Variants in BACH2 observed in about 807,000 individuals in gnomAD.
BACH2 encodes the protein BACH transcriptional regulator 2, also known as transcription regulator protein BACH2.
Under a neutral mutation model 61.8 loss-of-function variants are expected in BACH2, and 5 were observed. The ratio of observed to expected loss-of-function variants is 0.08; its 90% confidence interval spans 0.04 to 0.17. BACH2 has a LOEUF of 0.17. BACH2 is among the 10% of genes least tolerant of loss of function. The probability of loss-of-function intolerance (pLI) is 1.00; values close to 1 mark genes in which losing one functional copy is unlikely to be tolerated. For synonymous variants in BACH2, 446 were observed against 440.1 expected (o/e 1.01, Z -0.17); for missense variants, 824 against 1,091.1 (o/e 0.76, Z 3.45).
chr6:90,050,255 G>T (rs1490984626), intron 5 of BACH2, among the ~76,000 whole-genome samples: 1 of 152,174 alleles, frequency 6.6e-6, no homozygotes, highest in African/African-American at 2.4e-5. Context: ...CTTGGTAAAA[G>T]ATTTGATGTG....
At chr6:90,153,476 T>C (rs776418987) in intron 4 of BACH2, among the ~76,000 whole-genome samples, 7 of 152,208 alleles carry the variant, frequency 4.6e-5, no homozygotes, top group Non-Finnish European at 1.0e-4. Context: ...GTCATTTCAA[T>C]ACTATATTCT....
At chr6:90,044,524 G>C (rs917803049) in intron 5 of BACH2, among the ~76,000 whole-genome samples, 1 of 152,180 alleles carries the variant, frequency 6.6e-6, no homozygotes, top group Admixed American at 6.5e-5. Flanking sequence ...CAAGTGATAG[G>C]ATCTGATTTA....
chr6:90,031,925 T>A (rs1359324278), intron 5 of BACH2, among the ~76,000 whole-genome samples: 1 of 152,136 alleles, frequency 6.6e-6, no homozygotes, highest in Non-Finnish European at 1.5e-5. Flanking sequence ...AGAACAAAGC[T>A]GGAGGCATCA....
At chr6:90,229,463 A>G (rs1770023782) in intron 3 of BACH2, among the ~76,000 whole-genome samples, 1 of 151,822 alleles carries the variant, frequency 6.6e-6, no homozygotes, top group African/African-American at 2.4e-5. Flanking sequence ...TTGTCTCAAA[A>G]AAAAAAAGAA....
chr6:89,984,062 C>T (rs1003722942), intron 6 of BACH2, among the ~76,000 whole-genome samples: 3 of 152,132 alleles, frequency 2.0e-5, no homozygotes, highest in Admixed American at 6.5e-5. Context: ...AAACCTAAGC[C>T]CTTCAAGCAT....
At chr6:90,031,201 T>G (rs1292189256) in intron 5 of BACH2, among the ~76,000 whole-genome samples, 5 of 150,680 alleles carry the variant, frequency 3.3e-5, no homozygotes, top group Admixed American at 1.3e-4. Flanking sequence ...ATGGGACATA[T>G]CTCAAAATAA....
rs150445955 is a variant in BACH2, at chr6:89,956,536, G to A, written c.244-4674C>T. On this transcript the variant is annotated intron_variant, in intron 6 of 8. Coordinates refer to ENST00000257749, the MANE Select transcript of BACH2 (RefSeq NM_021813.4). The stretch of plus-strand genomic sequence containing the variant: ...GATTCTAACATATCATCTCTCTGCT[G>A]AAAGGAAGATGGGCTGATGAAAACT... 2.0e-5 allele frequency among the ~76,000 whole-genome samples: 3 copies of A among 152,316 alleles called. No individual in the cohort carries two copies. The East Asian group carries it at 5.8e-4, about 29-fold the overall frequency.
intron 1 of BACH2, among the ~76,000 whole-genome samples, chr6:90,285,449 T>C (rs1215584383): frequency 1.3e-5 from 2 of 152,240 alleles, no homozygotes; most frequent in African/African-American, 4.8e-5. Context: ...AAACTCTTTC[T>C]GATCTTAGTA....
chr6:89,931,768 T>C lies in BACH2; in HGVS notation c.*640A>G, dbSNP rs1584492024. On this transcript the variant is annotated 3_prime_UTR_variant, in exon 9 of 9. Transcript: ENST00000257749. ...AATTTTGTCCATAAATAAGTACGAA[T>C]TGAAAATTGAACTGTGAAGCAAGAA... 1 of 152,356 alleles carries C rather than the reference T, an allele frequency of 6.6e-6. No homozygotes were observed. The highest frequency in any genetic ancestry group is 2.4e-5 in the African/African-American group (1 of 41,328). 9.4% of individuals were successfully genotyped at this position (152,356 alleles called of 1,614,324 possible).
chr6:90,157,159 G>T (rs1015770245), intron 4 of BACH2, among the ~76,000 whole-genome samples: 2 of 152,270 alleles, frequency 1.3e-5, no homozygotes, highest in African/African-American at 4.8e-5. Flanking sequence ...CAAAGGGCAA[G>T]AGGTGAAGAA....
intron 5 of BACH2, among the ~76,000 whole-genome samples, chr6:90,025,116 G>A (rs146785003): frequency 3.0e-4 from 46 of 152,320 alleles, no homozygotes; most frequent in African/African-American, 1.0e-3. Flanking sequence ...GAAATCAGCG[G>A]GTGAAAGGGA....
chr6:90,242,448 C>A (rs979529747), intron 3 of BACH2, among the ~76,000 whole-genome samples: 1 of 152,274 alleles, frequency 6.6e-6, no homozygotes, highest in African/African-American at 2.4e-5. Flanking sequence ...GAATAATATT[C>A]CATTATCTGG....
At chr6:90,024,584 T>C (rs757109304) in intron 5 of BACH2, among the ~76,000 whole-genome samples, 2 of 152,228 alleles carry the variant, frequency 1.3e-5, no homozygotes, top group African/African-American at 2.4e-5. Context: ...TTCTAGTTTC[T>C]ATGGTTCTAT....
chr6:90,050,041 T>G (rs1439262739), intron 5 of BACH2, among the ~76,000 whole-genome samples: 2 of 152,254 alleles, frequency 1.3e-5, no homozygotes, highest in Non-Finnish European at 2.9e-5. Flanking sequence ...TGATAAAATC[T>G]AAGCTTTCAA....
intron 6 of BACH2, among the ~76,000 whole-genome samples, chr6:89,956,365 A>T (rs1774428185): frequency 6.6e-6 from 1 of 152,158 alleles, no homozygotes; most frequent in African/African-American, 2.4e-5. Flanking sequence ...GGAGGTGATG[A>T]CCTCAGCTAG....
chr6:90,185,618 G>T (rs1052576943), intron 4 of BACH2, among the ~76,000 whole-genome samples: 1 of 151,938 alleles, frequency 6.6e-6, no homozygotes, highest in Non-Finnish European at 1.5e-5. Flanking sequence ...TCATAGTTAA[G>T]AAATAAGGTT....
intron 4 of BACH2, among the ~76,000 whole-genome samples, chr6:90,186,726 T>C (rs1416294419): frequency 6.6e-6 from 1 of 152,140 alleles, no homozygotes; most frequent in Non-Finnish European, 1.5e-5. Context: ...TCTCAGCAGG[T>C]GCTGAGTGTT....
intron 3 of BACH2, among the ~76,000 whole-genome samples, chr6:90,234,058 G>A (rs147187465): frequency 2.0e-5 from 3 of 152,184 alleles, no homozygotes; most frequent in African/African-American, 4.8e-5. Context: ...GAACACTCTC[G>A]GCCCCTTATC....
intron 4 of BACH2, among the ~76,000 whole-genome samples, chr6:90,110,381 AC>A (rs1337274537): frequency 6.6e-6 from 1 of 152,196 alleles, no homozygotes; most frequent in Non-Finnish European, 1.5e-5. Context: ...TGGATTTTTC[AC>A]CTGTGCATAA....
Sources: allele counts gnomAD v4.1 joint callset (sites outside exome capture counted in the v4.1 genomes callset), GRCh38; gene constraint gnomAD v4.1.1; transcripts MANE v1.5; gene names NCBI Gene and HGNC (gene_info 2026-07-23, HGNC 2026-07-21).